Variants in TFEB observed in about 807,000 individuals in gnomAD.
The protein encoded by TFEB is transcription factor EB.
TFEB carries 12 observed loss-of-function variants against 48.0 expected under a neutral mutation model. That is an observed-to-expected ratio of 0.25 (90% CI 0.16 to 0.40). TFEB has a LOEUF of 0.40. TFEB is among the 10% of genes least tolerant of loss of function. The pLI, the probability that TFEB is intolerant of heterozygous loss-of-function variation, is 1.00. For missense variants in TFEB, 509 were observed against 640.3 expected (o/e 0.79, Z 2.21); for synonymous variants, 244 against 261.4 (o/e 0.93, Z 0.64).
chr6:41,703,357 C>T (rs764236725), intron 1 of TFEB, among the ~76,000 whole-genome samples: 16 of 152,116 alleles, frequency 1.1e-4, no homozygotes, highest in Non-Finnish European at 2.4e-4. Flanking sequence ...GTCCCAGTGC[C>T]TAAGCCACCC....
At chr6:41,711,860 G>A (rs1262408071) in intron 1 of TFEB, among the ~76,000 whole-genome samples, 1 of 152,218 alleles carries the variant, frequency 6.6e-6, no homozygotes, top group Non-Finnish European at 1.5e-5. Context: ...ACCGAGCTGG[G>A]CTGCCCCCTT....
At chr6:41,689,851 G>A (rs373282518) in intron 3 of TFEB, 40 bp from the exon 4 acceptor site, 39 of 1,559,222 alleles carry the variant, frequency 2.5e-5, no homozygotes, top group Non-Finnish European at 3.0e-5. Flanking sequence ...GGCCCACCAC[G>A]AGGTGGGCAG....
intron 1 of TFEB, among the ~76,000 whole-genome samples, chr6:41,710,986 G>T (rs913845667): frequency 1.3e-5 from 2 of 152,174 alleles, no homozygotes; most frequent in Non-Finnish European, 2.9e-5. Flanking sequence ...TTGCCCTATG[G>T]TTTTTACAAT....
In TFEB at chr6:41,723,873, C is replaced by A. The variant is rs551632824; in HGVS notation, c.-23+11477G>T. The A allele has an allele frequency of 6.0e-6, 3 of 499,694 alleles. No individual in the cohort carries two copies. The highest frequency in any genetic ancestry group is 2.9e-5 in the South Asian group (2 of 68,260). 31.0% of individuals were successfully genotyped at this position (499,694 alleles called of 1,614,324 possible). A position where few individuals can be genotyped will look rare whatever the true frequency, so the allele number is the denominator to read the frequency against. ...GAGAGACACAGAGCAGCAAGAATTT[C>A]GCCAGAGTCCCAATCCCACCAGGTC... On this transcript the variant is annotated intron_variant, in intron 1 of 8. Coordinates refer to ENST00000373033, the MANE Select transcript of TFEB (RefSeq NM_001271944.2). The surrounding 1 kb of genome is among the most constrained non-coding windows in gnomAD (Gnocchi z 6.0).
In TFEB at chr6:41,730,949, G is replaced by A. The variant is rs927587092; in HGVS notation, c.-23+4401C>T. On this transcript the variant is annotated intron_variant, in intron 1 of 8. Coordinates refer to ENST00000373033, the MANE Select transcript of TFEB (RefSeq NM_001271944.2). This position sits in a 1 kb window ranked among gnomAD's most constrained non-coding sequence, Gnocchi z 4.1. ...AGGCTGGTGTGGTGGGACAGAGAGT[G>A]GTGGGAAGCCCCACGTAAAGCATTA... is the stretch of plus-strand genomic sequence containing the variant. 4.6e-5 allele frequency among the ~76,000 whole-genome samples: 7 copies of A among 152,162 alleles called. No homozygotes were observed. The highest frequency in any genetic ancestry group is 9.7e-5 in the African/African-American group (4 of 41,422).
At position 41,687,102 on chromosome 6, in the gene TFEB, G is replaced by A. The variant is rs1769049557; in HGVS notation, c.795C>T (p.Ala265=). The A allele has an allele frequency of 6.2e-6, 10 of 1,614,096 alleles. No homozygotes were observed. The highest frequency in any genetic ancestry group is 8.5e-6 in the Non-Finnish European group (10 of 1,179,982). ...IKELGMLIPK[A]NDLDVRWNKG... is the part of the protein sequence containing the mutation. The stretch of plus-strand genomic sequence containing the variant: ...CTCAGAAACCTGCTCACAGGTCATT[G>A]GCCTTGGGGATCAGCATTCCCAACT... The change falls in exon 7 of 9, where the codon GCC becomes GCT. Residue 265 remains alanine (A), a synonymous_variant. Coordinates refer to ENST00000373033, the MANE Select transcript of TFEB (RefSeq NM_001271944.2).
chr6:41,697,775 G>T (rs911031880), intron 1 of TFEB, among the ~76,000 whole-genome samples: 6 of 152,304 alleles, frequency 3.9e-5, no homozygotes, highest in African/African-American at 1.4e-4. Flanking sequence ...AAATTACGGT[G>T]TGTCCCTCCT....
At chr6:41,700,751 C>T (rs986462282) in intron 1 of TFEB, among the ~76,000 whole-genome samples, 5 of 152,164 alleles carry the variant, frequency 3.3e-5, no homozygotes, top group Non-Finnish European at 2.9e-5. Context: ...CACACAAGCT[C>T]CTGGCCCACT....
chr6:41,734,618 G>C lies in TFEB; in HGVS notation c.-23+732C>G, dbSNP rs1771593698. Among the ~76,000 whole-genome samples, 1 of 150,504 alleles carries C rather than the reference G, an allele frequency of 6.6e-6. No individual in the cohort carries two copies. Among genetic ancestry groups the C allele is most frequent in the Admixed American group, 6.6e-5 (1 of 15,190 alleles). ...GGGCAGGCAGCTGGGAACCCGGGGG[G>C]AGGCAGACAACGGGGCGCACGGAGG... On this transcript the variant is annotated intron_variant, in intron 1 of 8. Coordinates refer to ENST00000373033, the MANE Select transcript of TFEB (RefSeq NM_001271944.2). The surrounding 1 kb of genome is among the most constrained non-coding windows in gnomAD (Gnocchi z 4.0).
chr6:41,734,919 A>T lies in TFEB; in HGVS notation c.-23+431T>A. On this transcript the variant is annotated intron_variant, in intron 1 of 8. Coordinates refer to ENST00000373033, the MANE Select transcript of TFEB (RefSeq NM_001271944.2). The surrounding 1 kb of genome is among the most constrained non-coding windows in gnomAD (Gnocchi z 4.0). ...CCCTACCTCCGACCCCCTCTCAGGC[A>T]TCGCCGGCCCCAGCCGTGTCCGGTG... 2 of 983,550 alleles carry T rather than the reference A, an allele frequency of 2.0e-6. No homozygotes were observed. The highest frequency in any genetic ancestry group is 2.4e-6 in the Non-Finnish European group (2 of 829,534). 60.9% of individuals were successfully genotyped at this position (983,550 alleles called of 1,614,324 possible). A position where few individuals can be genotyped will look rare whatever the true frequency, so the allele number is the denominator to read the frequency against.
chr6:41,726,307 A>G (rs1031797865), intron 1 of TFEB, among the ~76,000 whole-genome samples: 1 of 152,248 alleles, frequency 6.6e-6, no homozygotes, highest in Admixed American at 6.5e-5. Context: ...AGGTGGTTAC[A>G]TAATAAAAGA....
intron 1 of TFEB, among the ~76,000 whole-genome samples, chr6:41,699,117 G>A (rs1769762259): frequency 6.6e-6 from 1 of 152,242 alleles, no homozygotes; most frequent in Admixed American, 6.5e-5. Flanking sequence ...TCAATTGTCT[G>A]GGTATGGCCT....
At chr6:41,716,438 T>C (rs1043018204) in intron 1 of TFEB, among the ~76,000 whole-genome samples, 2 of 152,170 alleles carry the variant, frequency 1.3e-5, no homozygotes, top group Non-Finnish European at 2.9e-5. Flanking sequence ...ATGAGCACCT[T>C]CAGCTCATCC....
Position 41,723,392 on chromosome 6 carries a change from G to T in TFEB, c.-23+11958C>A. 1.0e-6 allele frequency: 1 copy of T among 997,200 alleles called. No individual in the cohort carries two copies. Among genetic ancestry groups the T allele is most frequent in the Non-Finnish European group, 1.4e-6 (1 of 723,648 alleles). 61.8% of individuals were successfully genotyped at this position (997,200 alleles called of 1,614,324 possible). On this transcript the variant is annotated intron_variant, in intron 1 of 8. Coordinates refer to ENST00000373033, the MANE Select transcript of TFEB (RefSeq NM_001271944.2). This position sits in a 1 kb window ranked among gnomAD's most constrained non-coding sequence, Gnocchi z 6.0. ...AGATGCACACAGGCTAACACACATG[G>T]ACACACATTCACACACATGCTCACA...
upstream of TFEB, chr6:41,736,207 T>TGTTGGAACA (rs936938129): frequency 6.2e-7 from 1 of 1,612,648 alleles, no homozygotes; most frequent in African/African-American, 1.3e-5. Context: ...CATGTCACCT[T>TGTTGGAACA]CCCTTGTTGG....
rs768261155 is a variant in TFEB at position 41,685,051 on chromosome 6, C to T, written c.979G>A (p.Gly327Ser). The T allele has an allele frequency of 5.5e-6, 8 of 1,465,266 alleles. No homozygotes were observed. The highest frequency in any genetic ancestry group is 1.5e-5 in the South Asian group (1 of 68,840). The allele number at this position is 1,465,266 out of a possible 1,614,324, so 90.8% of individuals were successfully genotyped here. ...CCGGACGGGGAGGTGGTAGGGAGGC[C>T]GTGCACTCGAGCCTGCATCTCCAGC... ...QELEMQARVH[G>S]LPTTSPSGMN... The change falls in exon 9 of 9, where the codon GGC becomes AGC. Residue 327 changes from glycine to serine, a missense_variant. Gly to Ser is a moderately conservative substitution (Grantham distance 56). Transcript: ENST00000373033.
chr6:41,731,019 T>C (rs920108255), intron 1 of TFEB, among the ~76,000 whole-genome samples: 3 of 152,176 alleles, frequency 2.0e-5, no homozygotes, highest in African/African-American at 4.8e-5. Context: ...TTGCAACCCA[T>C]AGGTCTTTAT....
At chr6:41,735,931 G>A (rs371473645), upstream of TFEB, among the ~76,000 whole-genome samples, 179 of 152,302 alleles carry the variant, frequency 1.2e-3, no homozygotes, top group African/African-American at 4.1e-3. Flanking sequence ...AGAAAGAGAG[G>A]GTCCCAGATG....
intron 1 of TFEB, among the ~76,000 whole-genome samples, chr6:41,698,740 T>C (rs1252548356): frequency 2.0e-5 from 3 of 152,172 alleles, no homozygotes; most frequent in Non-Finnish European, 2.9e-5. Flanking sequence ...TCGAGATTCC[T>C]GGAGGCAAAG....
Sources: gnomAD v4.1 joint callset for allele counts (sites outside exome capture counted in the v4.1 genomes callset) on GRCh38, gnomAD v4.1.1 for gene constraint, Gnocchi (gnomAD v3.1) non-coding constraint, MANE v1.5 for transcripts, NCBI Gene and HGNC (gene_info 2026-07-23, HGNC 2026-07-21) for gene names.